Variants in GLG1 observed in about 807,000 individuals in gnomAD.
The protein encoded by GLG1 is golgi glycoprotein 1.
In GLG1, 38 loss-of-function variants were observed where a neutral mutation model predicts 160.5. The observed-to-expected ratio is 0.24, with a 90% CI of 0.18 to 0.31. The LOEUF (loss-of-function observed/expected upper bound fraction) is 0.31, where lower values mean the gene tolerates loss of function less well. GLG1 is among the 10% of genes least tolerant of loss of function. The pLI, the probability that GLG1 is intolerant of heterozygous loss-of-function variation, is 1.00. For missense variants in GLG1, 1,373 were observed against 1,505.2 expected (o/e 0.91, Z 1.45); for synonymous variants, 644 against 543.4 (o/e 1.19, Z -2.57).
intron 1 of GLG1, among the ~76,000 whole-genome samples, chr16:74,605,992 T>C (rs1597393174): frequency 1.3e-5 from 2 of 152,300 alleles, no homozygotes; most frequent in South Asian, 2.1e-4. Context: ...CATTAAGAGA[T>C]ACTGTTAAAA....
At chr16:74,483,832 T>G (rs981820671) in intron 9 of GLG1, among the ~76,000 whole-genome samples, 2 of 152,132 alleles carry the variant, frequency 1.3e-5, no homozygotes, top group African/African-American at 2.4e-5. Context: ...TAATTTTTTT[T>G]GTATTTTTAG....
At chr16:74,469,394 T>C (rs2015117341) in intron 16 of GLG1, 1 of 274,700 alleles carries the variant, frequency 3.6e-6, no homozygotes. Context: ...GACTGTACTT[T>C]TGACCTACTG....
At chr16:74,575,076 A>C (rs1442790114) in intron 1 of GLG1, among the ~76,000 whole-genome samples, 4 of 126,808 alleles carry the variant, frequency 3.2e-5, no homozygotes, top group Non-Finnish European at 6.3e-5. Flanking sequence ...GTGAAATCTC[A>C]CCTCTATTAA....
At chr16:74,571,639 G>C (rs2018829423) in intron 1 of GLG1, among the ~76,000 whole-genome samples, 1 of 145,442 alleles carries the variant, frequency 6.9e-6, no homozygotes, top group African/African-American at 2.6e-5. Flanking sequence ...GGGCAACAGA[G>C]CAAGGCTCCA....
At chr16:74,490,476 T>TA (rs2015942428) in intron 8 of GLG1, among the ~76,000 whole-genome samples, 1 of 152,216 alleles carries the variant, frequency 6.6e-6, no homozygotes, top group Admixed American at 6.5e-5. Context: ...GAAGAAAAGA[T>TA]AGTGTGATTT....
rs368508466 is a variant in GLG1 at position 74,462,611 on chromosome 16, C to G, written c.2811G>C (p.Met937Ile). 1 of 1,614,080 alleles carries G rather than the reference C, an allele frequency of 6.2e-7. No individual in the cohort carries two copies. The highest frequency in any genetic ancestry group is 1.3e-5 in the African/African-American group (1 of 75,052). Reference protein sequence around the residue: ...TQNTDYRLNPMLRKACKADIP... With the variant: ...TQNTDYRLNPILRKACKADIP... ...TGTCAGCTTTACAGGCTTTTCTTAACATGGGGTTTAAGCGGTAATCTAGAG... is the reference window on the plus strand; with the variant it reads ...TGTCAGCTTTACAGGCTTTTCTTAAGATGGGGTTTAAGCGGTAATCTAGAG... Residue 937 changes from methionine (M) to isoleucine (I), a missense_variant, in exon 21 of 26, where the codon ATG becomes ATC. Physicochemically the swap from Met to Ile is conservative, Grantham distance 10. Coordinates refer to ENST00000422840, the MANE Select transcript of GLG1 (RefSeq NM_001145667.2).
chr16:74,605,260 T>G (rs1958539443), intron 1 of GLG1, among the ~76,000 whole-genome samples: 1 of 151,638 alleles, frequency 6.6e-6, no homozygotes, highest in Non-Finnish European at 1.5e-5. Flanking sequence ...CTGCCTCCTT[T>G]AAGTGGAGGT....
At chr16:74,502,158 A>C (rs1185420374) in intron 4 of GLG1, among the ~76,000 whole-genome samples, 1 of 152,206 alleles carries the variant, frequency 6.6e-6, no homozygotes, top group Non-Finnish European at 1.5e-5. Flanking sequence ...ATATTTCCTG[A>C]ACAGTAGATT....
chr16:74,536,752 T>C (rs1162025562), intron 1 of GLG1, among the ~76,000 whole-genome samples: 1 of 152,126 alleles, frequency 6.6e-6, no homozygotes, highest in Admixed American at 6.5e-5. Flanking sequence ...ATTTTATGAG[T>C]ATGTATCTAC....
chr16:74,478,974 G>A (rs1412401566), intron 11 of GLG1, among the ~76,000 whole-genome samples: 2 of 143,092 alleles, frequency 1.4e-5, no homozygotes, highest in African/African-American at 5.2e-5. Context: ...GGGAGGCCCA[G>A]GTGAGTGGAT....
chr16:74,458,126 A>G, intron 23 of GLG1, 132 bp from the exon 24 acceptor site: 1 of 762,832 alleles, frequency 1.3e-6, no homozygotes, highest in South Asian at 1.8e-5. Flanking sequence ...ACTTTGGGAC[A>G]GGTTGCAAGG....
intron 2 of GLG1, among the ~76,000 whole-genome samples, chr16:74,527,596 A>C (rs946366224): frequency 3.9e-5 from 6 of 152,076 alleles, no homozygotes; most frequent in African/African-American, 1.4e-4. Context: ...ATACGTATCA[A>C]TTATTTTTCT....
In GLG1 at chr16:74,508,821, A is replaced by G. The variant is rs1354106356; in HGVS notation, c.558+18T>C. ...CCTCTAAGCCATTAGTTGTCTACAA[A>G]ATTCTTTGACAACTTACCTCTGTTA... On this transcript the variant is annotated intron_variant, in intron 3 of 25. Transcript: ENST00000422840. The G allele has an allele frequency of 2.7e-6, 3 of 1,103,866 alleles. No homozygotes were observed. Among genetic ancestry groups the G allele is most frequent in the Non-Finnish European group, 2.8e-6 (2 of 716,760 alleles). The allele number at this position is 1,103,866 out of a possible 1,614,324, so 68.4% of individuals were successfully genotyped here.
At chr16:74,495,280 A>C (rs966984585) in intron 5 of GLG1, among the ~76,000 whole-genome samples, 1 of 151,892 alleles carries the variant, frequency 6.6e-6, no homozygotes. Context: ...TGCCCAACTA[A>C]TTTTTTTATT....
intron 1 of GLG1, among the ~76,000 whole-genome samples, chr16:74,573,217 C>T (rs1286148303): frequency 6.6e-6 from 1 of 152,104 alleles, no homozygotes; most frequent in East Asian, 1.9e-4. Flanking sequence ...AAAACCCTGA[C>T]AGTTGGCCCT....
chr16:74,589,082 A>T (rs1352450200), intron 1 of GLG1, among the ~76,000 whole-genome samples: 1 of 151,854 alleles, frequency 6.6e-6, no homozygotes. Flanking sequence ...TCTCTACAAA[A>T]AGAACAACAA....
At chr16:74,455,222 GT>G (rs2014488089) in intron 25 of GLG1, among the ~76,000 whole-genome samples, 1 of 152,146 alleles carries the variant, frequency 6.6e-6, no homozygotes, top group Non-Finnish European at 1.5e-5. Context: ...GGGTCCCCAG[GT>G]GCACATGTCC....
chr16:74,548,707 C>A (rs1451671784), intron 1 of GLG1, among the ~76,000 whole-genome samples: 1 of 151,906 alleles, frequency 6.6e-6, no homozygotes, highest in Non-Finnish European at 1.5e-5. Flanking sequence ...GACATAATAC[C>A]AAACAGGGCC....
At chr16:74,601,174 T>C (rs1380661396) in intron 1 of GLG1, among the ~76,000 whole-genome samples, 1 of 152,176 alleles carries the variant, frequency 6.6e-6, no homozygotes, top group Non-Finnish European at 1.5e-5. Context: ...CATGAATGAA[T>C]ATGGAATCAG....
Sources: allele counts gnomAD v4.1 joint callset (sites outside exome capture counted in the v4.1 genomes callset), GRCh38; gene constraint gnomAD v4.1.1; transcripts MANE v1.5; gene names NCBI Gene and HGNC (gene_info 2026-07-23, HGNC 2026-07-21).